TRERF1: variants seen among roughly 807,000 people sequenced by gnomAD.
TRERF1 encodes transcriptional regulating factor 1.
A neutral mutation model predicts 122.9 loss-of-function variants in TRERF1; 27 were observed. The observed-to-expected ratio is 0.22, with a 90% CI of 0.16 to 0.30. The LOEUF (loss-of-function observed/expected upper bound fraction) is 0.30, where lower values mean the gene tolerates loss of function less well. Among genes scored for constraint, TRERF1 ranks in the 10% least tolerant of loss-of-function variants. The pLI, the probability that TRERF1 is intolerant of heterozygous loss-of-function variation, is 1.00. For synonymous variants in TRERF1, 636 were observed against 641.7 expected (o/e 0.99, Z 0.13); for missense variants, 1,248 against 1,560.3 (o/e 0.80, Z 3.37).
intron 3 of TRERF1, among the ~76,000 whole-genome samples, chr6:42,308,307 T>C (rs915034119): frequency 6.6e-6 from 1 of 152,214 alleles, no homozygotes; most frequent in Non-Finnish European, 1.5e-5. Flanking sequence ...TAAACACTAA[T>C]ACATGCAACA....
intron 3 of TRERF1, among the ~76,000 whole-genome samples, chr6:42,309,898 C>A (rs987470158): frequency 7.1e-6 from 1 of 141,432 alleles, no homozygotes; most frequent in African/African-American, 2.7e-5. Flanking sequence ...GTGATCCTCC[C>A]GCCTCAACCT....
At position 42,376,159 on chromosome 6, in the gene TRERF1, C is replaced by G. The variant is rs191801285; in HGVS notation, c.-453-13080G>C. Among the ~76,000 whole-genome samples the G allele has an allele frequency of 5.3e-5, 8 of 152,344 alleles. No homozygotes were observed. In the East Asian group the frequency reaches 1.5e-3, roughly 29 times the overall value. ...CCTGGCCACCCCCAGTTCCAGGGCA[C>G]TGAGCACTCCCACCCCAAACAAAAT... On this transcript the variant is annotated intron_variant, in intron 2 of 17. Coordinates refer to ENST00000372922, the Ensembl canonical transcript of TRERF1.
chr6:42,293,932 C>G (rs1011232884), intron 4 of TRERF1, among the ~76,000 whole-genome samples: 1 of 152,170 alleles, frequency 6.6e-6, no homozygotes, highest in African/African-American at 2.4e-5. Flanking sequence ...GACGAATCCC[C>G]TGAGACCCTG....
intron 3 of TRERF1, among the ~76,000 whole-genome samples, chr6:42,327,577 T>C (rs957084378): frequency 3.9e-5 from 6 of 152,240 alleles, no homozygotes; most frequent in African/African-American, 1.4e-4. Context: ...CCCTTAGGAC[T>C]TGGTTTCTTT....
chr6:42,316,327 C>T (rs917776043), intron 3 of TRERF1, among the ~76,000 whole-genome samples: 1 of 152,090 alleles, frequency 6.6e-6, no homozygotes, highest in African/African-American at 2.4e-5. Context: ...GAGAAAAATG[C>T]CTCAATGTAG....
chr6:42,423,914 A>T (rs1783218900), intron 2 of TRERF1, among the ~76,000 whole-genome samples: 1 of 152,202 alleles, frequency 6.6e-6, no homozygotes, highest in Non-Finnish European at 1.5e-5. Context: ...TTCTTAGATA[A>T]TCTGCATCCC....
intron 14 of TRERF1, among the ~76,000 whole-genome samples, chr6:42,245,136 T>C (rs1177492734): frequency 6.6e-6 from 1 of 152,208 alleles, no homozygotes; most frequent in Non-Finnish European, 1.5e-5. Context: ...GTAAGCTCAA[T>C]ACACGAATCC....
At chr6:42,316,545 GTC>G (rs1264632266) in intron 3 of TRERF1, among the ~76,000 whole-genome samples, 3 of 152,170 alleles carry the variant, frequency 2.0e-5, no homozygotes, top group African/African-American at 7.2e-5. Context: ...AGTGACAGGA[GTC>G]TAGCATGGCT....
chr6:42,402,771 C>T (rs1029428783), intron 2 of TRERF1, among the ~76,000 whole-genome samples: 18 of 152,166 alleles, frequency 1.2e-4, no homozygotes, highest in Admixed American at 9.8e-4. Flanking sequence ...AAAACAAGAT[C>T]GAATGCTGCC....
chr6:42,450,842 C>G (rs1788348613), intron 2 of TRERF1, among the ~76,000 whole-genome samples: 1 of 152,130 alleles, frequency 6.6e-6, no homozygotes, highest in African/African-American at 2.4e-5. Context: ...TGTCAAAAAC[C>G]CCAAAAGGCA....
chr6:42,341,503 G>A (rs1175293826), intron 3 of TRERF1, among the ~76,000 whole-genome samples: 4 of 152,286 alleles, frequency 2.6e-5, no homozygotes, highest in East Asian at 1.9e-4. Flanking sequence ...CTAAGGCCCC[G>A]GGAACAGGAG....
intron 2 of TRERF1, among the ~76,000 whole-genome samples, chr6:42,376,536 C>CTTTTTT (rs781389630): frequency 5.2e-4 from 50 of 96,300 alleles, no homozygotes; most frequent in Admixed American, 6.1e-4. Flanking sequence ...TCGTCTAATT[C>CTTTTTT]TTTTTTTTTT....
At chr6:42,324,863 C>T (rs59625573) in intron 3 of TRERF1, among the ~76,000 whole-genome samples, 3,578 of 152,112 alleles carry the variant, frequency 0.024, 151 homozygotes, top group African/African-American at 0.081. Context: ...ATGACTAAGC[C>T]CTCAAGAGCA....
At chr6:42,266,324 G>A (rs991937410) in intron 5 of TRERF1, among the ~76,000 whole-genome samples, 5 of 152,066 alleles carry the variant, frequency 3.3e-5, no homozygotes, top group Non-Finnish European at 5.9e-5. Flanking sequence ...AAGTAGCTGG[G>A]ACTACAGGTG....
rs187401691 is a variant in TRERF1 at position 42,283,291 on chromosome 6, A to C, written c.-258-13443T>G. On this transcript the variant is annotated intron_variant, in intron 4 of 17. Coordinates refer to ENST00000372922, the Ensembl canonical transcript of TRERF1. Reference sequence around the variant, plus strand: ...TTTTCACTGCTCTGTGCCTGTCCTCAAATGACCAAGAAAGCACTGAGCATC... The same window carrying C: ...TTTTCACTGCTCTGTGCCTGTCCTCCAATGACCAAGAAAGCACTGAGCATC... 3.3e-5 allele frequency among the ~76,000 whole-genome samples: 5 copies of C among 152,344 alleles called. No individual in the cohort carries two copies. The East Asian group carries it at 9.6e-4, about 29-fold the overall frequency.
intron 5 of TRERF1, among the ~76,000 whole-genome samples, chr6:42,267,867 T>A (rs1779488431): frequency 6.6e-6 from 1 of 152,230 alleles, no homozygotes. Context: ...TCCCCTGGCA[T>A]GTGACTCAAG....
At chr6:42,257,723 C>T (rs1777032430) in intron 10 of TRERF1, among the ~76,000 whole-genome samples, 1 of 152,222 alleles carries the variant, frequency 6.6e-6, no homozygotes, top group Non-Finnish European at 1.5e-5. Flanking sequence ...CCTAATACCA[C>T]CCACTGCCTA....
At chr6:42,227,079 C>T (rs1338988100) in exon 18 of TRERF1, 1 of 152,234 alleles carries the variant, frequency 6.6e-6, no homozygotes, top group African/African-American at 2.4e-5. Context: ...CAAACAGCAA[C>T]CCTGCTGACA....
chr6:42,304,051 G>A (rs1308219587), intron 3 of TRERF1, among the ~76,000 whole-genome samples: 2 of 152,082 alleles, frequency 1.3e-5, no homozygotes, highest in Admixed American at 6.5e-5. Flanking sequence ...CAAAATAGGG[G>A]CACCCTTGCC....
Sources: gnomAD v4.1 joint callset for allele counts (sites outside exome capture counted in the v4.1 genomes callset) on GRCh38, gnomAD v4.1.1 for gene constraint, MANE v1.5 for transcripts, NCBI Gene and HGNC (gene_info 2026-07-23, HGNC 2026-07-21) for gene names.